The following EBF2 variants were observed in gnomAD, a reference collection of about 807,000 sequenced individuals.
EBF2 encodes the protein transcription factor COE2.
EBF2 carries 21 observed loss-of-function variants against 72.8 expected under a neutral mutation model. That is an observed-to-expected ratio of 0.29 (90% CI 0.20 to 0.42). The LOEUF (loss-of-function observed/expected upper bound fraction) is 0.42. Among genes scored for constraint, EBF2 ranks in the 10% least tolerant of loss-of-function variants. EBF2 has a pLI of 1.00. For missense variants in EBF2, 637 were observed against 731.2 expected (o/e 0.87, Z 1.49); for synonymous variants, 299 against 274.2 (o/e 1.09, Z -0.89).
chr8:25,842,909 C>G lies in EBF2; in HGVS notation c.*1700G>C, dbSNP rs1801764265. On this transcript the variant is annotated 3_prime_UTR_variant, in exon 16 of 16. Coordinates refer to ENST00000520164, the MANE Select transcript of EBF2 (RefSeq NM_022659.4). ...CTATTTCTAATGCTGAAATCCCAAC[C>G]AAGAACCCCAAACTAAGTCTGTGTA... The G allele has an allele frequency of 6.6e-6, 1 of 152,116 alleles. No homozygotes were observed. The highest frequency in any genetic ancestry group is 2.4e-5 in the African/African-American group (1 of 41,424). 9.4% of individuals were successfully genotyped at this position (152,116 alleles called of 1,614,324 possible). A position where few individuals can be genotyped will look rare whatever the true frequency, so the allele number is the denominator to read the frequency against.
intron 6 of EBF2, among the ~76,000 whole-genome samples, chr8:25,917,352 A>G (rs972378338): frequency 1.3e-5 from 2 of 152,114 alleles, no homozygotes; most frequent in Non-Finnish European, 2.9e-5. Context: ...CATTAATGAA[A>G]ATAATAATTG....
intron 6 of EBF2, among the ~76,000 whole-genome samples, chr8:26,027,377 G>A (rs899674147): frequency 1.3e-5 from 2 of 152,004 alleles, no homozygotes; most frequent in East Asian, 3.9e-4. Context: ...CCAATGACAA[G>A]CCTGGACCAA....
chr8:25,886,691 T>C (rs996637517), intron 10 of EBF2, 64 bp downstream of exon 10: 3 of 1,529,116 alleles, frequency 2.0e-6, no homozygotes, highest in Non-Finnish European at 2.6e-6. Context: ...AAAGTGCAGA[T>C]ACTGGGAACT....
chr8:25,978,412 T>C (rs555021320), intron 6 of EBF2, among the ~76,000 whole-genome samples: 6 of 152,332 alleles, frequency 3.9e-5, no homozygotes, highest in African/African-American at 9.6e-5. Context: ...AGATGGCTGT[T>C]AGCTGCGGAT....
intron 6 of EBF2, among the ~76,000 whole-genome samples, chr8:25,914,673 G>C (rs988648770): frequency 2.0e-5 from 3 of 152,222 alleles, no homozygotes; most frequent in African/African-American, 7.2e-5. Flanking sequence ...GAAGATTCAA[G>C]GAAAGGAAAG....
chr8:25,992,716 A>C (rs946314111), intron 6 of EBF2, among the ~76,000 whole-genome samples: 1 of 152,090 alleles, frequency 6.6e-6, no homozygotes, highest in African/African-American at 2.4e-5. Context: ...CAGCCTGGGC[A>C]ACATGGTGAG....
At chr8:26,002,283 G>A (rs559086835) in intron 6 of EBF2, among the ~76,000 whole-genome samples, 2 of 152,266 alleles carry the variant, frequency 1.3e-5, no homozygotes, top group Admixed American at 6.5e-5. Context: ...GGCTAGATGG[G>A]AGACGAATTT....
chr8:26,016,211 C>T (rs1053962787), intron 6 of EBF2, among the ~76,000 whole-genome samples: 1 of 152,164 alleles, frequency 6.6e-6, no homozygotes, highest in African/African-American at 2.4e-5. Flanking sequence ...CATAGAGCAG[C>T]GATTCATTCA....
At chr8:25,900,716 G>A (rs961825470) in intron 7 of EBF2, among the ~76,000 whole-genome samples, 3 of 151,888 alleles carry the variant, frequency 2.0e-5, no homozygotes, top group African/African-American at 7.3e-5. Context: ...GTAAGCTGTC[G>A]ATTAGAGTGA....
At chr8:25,954,864 G>A (rs1312030859) in intron 6 of EBF2, among the ~76,000 whole-genome samples, 1 of 152,202 alleles carries the variant, frequency 6.6e-6, no homozygotes, top group Non-Finnish European at 1.5e-5. Flanking sequence ...TTATACCATG[G>A]CTGGCTTCCC....
intron 15 of EBF2, 123 bp downstream of exon 15, chr8:25,850,471 A>G: frequency 9.8e-6 from 12 of 1,221,672 alleles, no homozygotes; most frequent in Non-Finnish European, 1.3e-5. Context: ...ATGTCCCATG[A>G]TAAGAACAGC....
At chr8:25,906,877 T>C (rs1803042179) in intron 7 of EBF2, among the ~76,000 whole-genome samples, 1 of 152,146 alleles carries the variant, frequency 6.6e-6, no homozygotes, top group African/African-American at 2.4e-5. Context: ...GTGTTAAGTA[T>C]TGTAATGAAA....
intron 6 of EBF2, among the ~76,000 whole-genome samples, chr8:25,946,994 A>G (rs1014216480): frequency 3.9e-5 from 6 of 152,172 alleles, no homozygotes; most frequent in Non-Finnish European, 8.8e-5. Context: ...ATACAATTTG[A>G]TTCACTTTAG....
At chr8:26,002,928 AGGCAGGCAGGCAGGCGGGCG>A (rs1804764254) in intron 6 of EBF2, among the ~76,000 whole-genome samples, 1 of 10,098 alleles carries the variant, frequency 9.9e-5, no homozygotes, top group Non-Finnish European at 3.4e-4. Flanking sequence ...GCAGGCGGGC[AGGCAGGCAGGCAGGCGGGCG>A]GGCAGGCAGG....
intron 11 of EBF2, among the ~76,000 whole-genome samples, chr8:25,862,124 AAATAT>A (rs1802222003): frequency 1.3e-5 from 2 of 152,244 alleles, no homozygotes; most frequent in African/African-American, 4.8e-5. Context: ...TTTAAAGTGC[AAATAT>A]AAATGTGAAA....
intron 5 of EBF2, among the ~76,000 whole-genome samples, chr8:26,038,782 G>A (rs532812602): frequency 1.3e-5 from 2 of 152,296 alleles, no homozygotes; most frequent in South Asian, 4.1e-4. Flanking sequence ...GAAGCCACTG[G>A]CATTTGGAAA....
intron 6 of EBF2, among the ~76,000 whole-genome samples, chr8:25,990,188 TACACACAC>T (rs60406400): frequency 1.4e-4 from 21 of 146,372 alleles, no homozygotes; most frequent in African/African-American, 3.0e-4. Flanking sequence ...CTATGGGTTA[TACACACAC>T]ACACACACAC....
intron 1 of EBF2, among the ~76,000 whole-genome samples, chr8:26,043,902 A>G (rs1020360866): frequency 7.2e-5 from 11 of 151,988 alleles, no homozygotes; most frequent in Non-Finnish European, 1.5e-4. Context: ...GTAGGGTGGC[A>G]CCCCGGACAT....
chr8:25,845,938 C>A (rs1040450879), intron 15 of EBF2, among the ~76,000 whole-genome samples: 1 of 152,112 alleles, frequency 6.6e-6, no homozygotes, highest in African/African-American at 2.4e-5. Flanking sequence ...TTTTCTCAAC[C>A]CTTCCATCTC....
Sources: allele counts gnomAD v4.1 joint callset (sites outside exome capture counted in the v4.1 genomes callset), GRCh38; gene constraint gnomAD v4.1.1; transcripts MANE v1.5; gene names NCBI Gene and HGNC (gene_info 2026-07-23, HGNC 2026-07-21).